The following UBTD1 variants were observed in gnomAD, a reference collection of about 807,000 sequenced individuals.
UBTD1 encodes the protein ubiquitin domain-containing protein 1.
In UBTD1, 19 loss-of-function variants were observed where a neutral mutation model predicts 21.7. The observed-to-expected ratio is 0.87, with a 90% CI of 0.61 to 1.28. UBTD1 has a LOEUF of 1.28. UBTD1 is among the 50% of genes most tolerant of loss of function. The probability of loss-of-function intolerance (pLI) is 0.00; values close to 1 mark genes in which losing one functional copy is unlikely to be tolerated. For synonymous variants in UBTD1, 116 were observed against 135.1 expected, an observed-to-expected ratio of 0.86 and a Z score of 0.98; for missense variants, 282 against 315.1, an observed-to-expected ratio of 0.89 and a Z score of 0.80.
chr10:97,532,823 C>T (rs1007643474), intron 1 of UBTD1, among the ~76,000 whole-genome samples: 5 of 122,304 alleles, frequency 4.1e-5, no homozygotes, highest in Admixed American at 8.1e-5. Context: ...AGAAAGAAAG[C>T]CTTGTTGGTC....
Position 97,499,177 on chromosome 10 carries a change from T to G in UBTD1, c.-27T>G. 2 of 1,526,492 alleles carry G rather than the reference T, an allele frequency of 1.3e-6. No individual in the cohort carries two copies. Among genetic ancestry groups the G allele is most frequent in the Non-Finnish European group, 1.8e-6 (2 of 1,135,712 alleles). 94.6% of individuals were successfully genotyped at this position (1,526,492 alleles called of 1,614,324 possible). ...CAGCCGACCACCCCGCCGCCTCCGGTGCATGGGGACTGGCTGAGGAGCCAG... is the reference window on the plus strand; with the variant it reads ...CAGCCGACCACCCCGCCGCCTCCGGGGCATGGGGACTGGCTGAGGAGCCAG... On this transcript the variant is annotated 5_prime_UTR_variant, in exon 1 of 3. Coordinates refer to ENST00000370664, the MANE Select transcript of UBTD1 (RefSeq NM_024954.5).
chr10:97,521,218 G>A (rs2040465781), intron 1 of UBTD1, among the ~76,000 whole-genome samples: 1 of 152,230 alleles, frequency 6.6e-6, no homozygotes, highest in Non-Finnish European at 1.5e-5. Context: ...TAGGGGTGAT[G>A]AACTCAATGC....
intron 1 of UBTD1, among the ~76,000 whole-genome samples, chr10:97,562,562 A>C (rs764197808): frequency 5.3e-5 from 8 of 152,214 alleles, no homozygotes; most frequent in Admixed American, 2.0e-4. Flanking sequence ...AGGATATTAC[A>C]AAATACCTTC....
At chr10:97,552,183 G>A (rs1019556434) in intron 1 of UBTD1, among the ~76,000 whole-genome samples, 3 of 151,280 alleles carry the variant, frequency 2.0e-5, no homozygotes, top group African/African-American at 7.3e-5. Flanking sequence ...TGGGCAACAT[G>A]GCGAGACCCC....
chr10:97,549,540 T>C (rs1204178773), intron 1 of UBTD1, among the ~76,000 whole-genome samples: 2 of 152,232 alleles, frequency 1.3e-5, no homozygotes, highest in African/African-American at 2.4e-5. Flanking sequence ...GCAGAGAATT[T>C]CTGTTGCCAT....
At chr10:97,547,280 G>A (rs1167005937) in intron 1 of UBTD1, among the ~76,000 whole-genome samples, 1 of 152,194 alleles carries the variant, frequency 6.6e-6, no homozygotes, top group Non-Finnish European at 1.5e-5. Flanking sequence ...CAGTGGCTGA[G>A]AAAACCTACC....
At chr10:97,518,219 TG>T (rs2040452675) in intron 1 of UBTD1, among the ~76,000 whole-genome samples, 1 of 152,128 alleles carries the variant, frequency 6.6e-6, no homozygotes, top group Non-Finnish European at 1.5e-5. Flanking sequence ...CCCACAGAGC[TG>T]GGGGAAGCAG....
rs554158053 is a variant in UBTD1, at chr10:97,565,539, C to T, written c.71-2375C>T. Reference sequence around the variant, plus strand: ...CATAGTGTCACCTATATAGTCCCAGCTGCTTGGGAGGCTGCTGGGGGAGAA... The same window carrying T: ...CATAGTGTCACCTATATAGTCCCAGTTGCTTGGGAGGCTGCTGGGGGAGAA... On this transcript the variant is annotated intron_variant, in intron 1 of 2. Coordinates refer to ENST00000370664, the MANE Select transcript of UBTD1 (RefSeq NM_024954.5). Among the ~76,000 whole-genome samples the T allele has an allele frequency of 1.1e-4, 17 of 152,184 alleles. No homozygotes were observed. In the East Asian group the frequency reaches 2.3e-3, roughly 21 times the overall value.
chr10:97,552,952 C>T (rs1282501757), intron 1 of UBTD1, among the ~76,000 whole-genome samples: 1 of 152,214 alleles, frequency 6.6e-6, no homozygotes, highest in Non-Finnish European at 1.5e-5. Context: ...TAAGTCTTCA[C>T]CACACACTTG....
intron 1 of UBTD1, among the ~76,000 whole-genome samples, chr10:97,505,408 G>T (rs2040394124): frequency 6.6e-6 from 1 of 152,148 alleles, no homozygotes; most frequent in Non-Finnish European, 1.5e-5. Flanking sequence ...AAGGAGAGGA[G>T]GTCTAGTCTC....
chr10:97,527,867 A>G (rs1192210192), intron 1 of UBTD1, among the ~76,000 whole-genome samples: 2 of 152,216 alleles, frequency 1.3e-5, no homozygotes, highest in African/African-American at 4.8e-5. Context: ...ACACAGACAC[A>G]GCAACCATCC....
chr10:97,561,074 T>C (rs557296698), intron 1 of UBTD1, among the ~76,000 whole-genome samples: 2 of 152,134 alleles, frequency 1.3e-5, no homozygotes, highest in Non-Finnish European at 2.9e-5. Context: ...GTTTCAGATG[T>C]CCGGACTCCA....
chr10:97,540,128 A>G (rs981246708), intron 1 of UBTD1, among the ~76,000 whole-genome samples: 3 of 152,230 alleles, frequency 2.0e-5, no homozygotes, highest in Non-Finnish European at 4.4e-5. Flanking sequence ...TTACCCTCCT[A>G]TAGAGGGAGC....
At chr10:97,532,534 GT>G (rs2040537110) in intron 1 of UBTD1, among the ~76,000 whole-genome samples, 1 of 152,190 alleles carries the variant, frequency 6.6e-6, no homozygotes, top group African/African-American at 2.4e-5. Flanking sequence ...GCTCACGCCT[GT>G]AATCCCAGCA....
chr10:97,551,125 C>T (rs2040635008), intron 1 of UBTD1, among the ~76,000 whole-genome samples: 1 of 152,190 alleles, frequency 6.6e-6, no homozygotes, highest in African/African-American at 2.4e-5. Flanking sequence ...GTGAGGTAGG[C>T]CCTGAGAATC....
chr10:97,499,520 TG>T (rs1304398696), intron 1 of UBTD1, among the ~76,000 whole-genome samples: 1 of 149,732 alleles, frequency 6.7e-6, no homozygotes, highest in Non-Finnish European at 1.5e-5. Flanking sequence ...CTGGTGGGGG[TG>T]GGGGCAGGAA....
At chr10:97,500,073 G>A (rs964622160) in intron 1 of UBTD1, among the ~76,000 whole-genome samples, 1 of 152,186 alleles carries the variant, frequency 6.6e-6, no homozygotes, top group Non-Finnish European at 1.5e-5. Flanking sequence ...GAATAATATC[G>A]TAGACTTGAG....
chr10:97,548,929 C>T (rs747365171), intron 1 of UBTD1, among the ~76,000 whole-genome samples: 7 of 152,218 alleles, frequency 4.6e-5, no homozygotes, highest in Admixed American at 2.0e-4. Flanking sequence ...TCCCCGAGCC[C>T]GGCCAGATGT....
chr10:97,501,531 T>C (rs559586401), intron 1 of UBTD1, among the ~76,000 whole-genome samples: 2 of 152,172 alleles, frequency 1.3e-5, no homozygotes, highest in South Asian at 2.1e-4. Flanking sequence ...TCGCAGAGGT[T>C]GTAGTGAGCT....
Sources: allele counts gnomAD v4.1 joint callset (sites outside exome capture counted in the v4.1 genomes callset), GRCh38; gene constraint gnomAD v4.1.1; transcripts MANE v1.5; gene names NCBI Gene and HGNC (gene_info 2026-07-23, HGNC 2026-07-21).